The following CABIN1 variants were observed in gnomAD, a reference collection of about 807,000 sequenced individuals.
CABIN1 encodes calcineurin-binding protein cabin-1.
A neutral mutation model predicts 227.7 loss-of-function variants in CABIN1; 133 were observed. The ratio of observed to expected loss-of-function variants is 0.58; its 90% CI spans 0.51 to 0.67. The LOEUF (loss-of-function observed/expected upper bound fraction) is 0.67. CABIN1 is among the 30% of genes least tolerant of loss of function. The pLI is 0.00. For synonymous variants in CABIN1, 1,086 were observed against 1,155.1 expected (o/e 0.94, Z 1.21); for missense variants, 2,408 against 2,852.5 (o/e 0.84, Z 3.55).
At chr22:24,107,574 T>C (rs997969366) in intron 26 of CABIN1, among the ~76,000 whole-genome samples, 1 of 152,220 alleles carries the variant, frequency 6.6e-6, no homozygotes, top group Non-Finnish European at 1.5e-5. Context: ...CTGCACAGCA[T>C]GCCGTCCTTT....
chr22:24,039,419 T>G (rs975871317), intron 4 of CABIN1, among the ~76,000 whole-genome samples: 3 of 152,230 alleles, frequency 2.0e-5, no homozygotes, highest in African/African-American at 7.2e-5. Context: ...TTCCTAATTA[T>G]ATAGCTTGTC....
intron 24 of CABIN1, among the ~76,000 whole-genome samples, chr22:24,094,087 G>A (rs1267623877): frequency 1.3e-5 from 2 of 152,130 alleles, no homozygotes; most frequent in Admixed American, 1.3e-4. Flanking sequence ...CACTTTGGGG[G>A]TGAGAAGGGT....
chr22:24,094,357 A>T (rs2041745353), intron 24 of CABIN1, among the ~76,000 whole-genome samples: 1 of 152,178 alleles, frequency 6.6e-6, no homozygotes, highest in Admixed American at 6.5e-5. Context: ...CAGCTTCCAT[A>T]TGAGGAACCA....
intron 29 of CABIN1, among the ~76,000 whole-genome samples, chr22:24,154,328 C>T (rs2045658142): frequency 6.6e-6 from 1 of 152,172 alleles, no homozygotes; most frequent in Non-Finnish European, 1.5e-5. Context: ...CCAACTAGCT[C>T]TGGAGCTAGT....
chr22:24,154,278 C>T (rs1416110292), intron 29 of CABIN1, among the ~76,000 whole-genome samples: 3 of 152,280 alleles, frequency 2.0e-5, no homozygotes, highest in South Asian at 2.1e-4. Flanking sequence ...CTTTGGTCCT[C>T]GTGTCTGCTA....
In CABIN1 at chr22:24,172,020, T is replaced by TGGGCC. The variant is rs527680507; in HGVS notation, c.6040+26_6040+30dup. 1.0e-3 allele frequency: 1,665 copies of TGGGCC among 1,600,962 alleles called. 2 individuals carry two copies. Among genetic ancestry groups the TGGGCC allele is most frequent in the Non-Finnish European group, 1.3e-3 (1,549 of 1,177,630 alleles). ...GGTGAGTCCCATCCCAGTCCAGAGC[T>TGGGCC]GGGCCCAGGCCCCTGCCACCATCAA... On this transcript the variant is annotated intron_variant, in intron 34 of 36. Transcript: ENST00000263119.
intron 27 of CABIN1, among the ~76,000 whole-genome samples, chr22:24,117,115 A>G (rs1297109090): frequency 6.6e-6 from 1 of 152,184 alleles, no homozygotes; most frequent in African/African-American, 2.4e-5. Context: ...CCTGTTCAGC[A>G]GTGGGAGTGG....
chr22:24,127,007 A>AG (rs1437305180), intron 28 of CABIN1, among the ~76,000 whole-genome samples: 2 of 151,914 alleles, frequency 1.3e-5, no homozygotes, highest in Non-Finnish European at 2.9e-5. Flanking sequence ...TCAAAAAAAA[A>AG]AAAAAAAGCT....
At chr22:24,090,339 C>T (rs1305580148) in intron 23 of CABIN1, among the ~76,000 whole-genome samples, 1 of 152,176 alleles carries the variant, frequency 6.6e-6, no homozygotes, top group Non-Finnish European at 1.5e-5. Context: ...AGCTACAAAG[C>T]AATTCAAGTA....
chr22:24,103,664 G>A (rs1430899066), intron 26 of CABIN1, among the ~76,000 whole-genome samples: 5 of 152,196 alleles, frequency 3.3e-5, no homozygotes, highest in Non-Finnish European at 7.3e-5. Context: ...ACGGGCAGGG[G>A]ACAGGGGAGG....
chr22:24,019,747 TC>T (rs2035585555), intron 1 of CABIN1, among the ~76,000 whole-genome samples: 6 of 149,412 alleles, frequency 4.0e-5, no homozygotes, highest in Admixed American at 4.0e-4. Flanking sequence ...AACCTCTGCT[TC>T]CTGGGTTCAA....
intron 29 of CABIN1, among the ~76,000 whole-genome samples, chr22:24,149,207 C>T (rs574161089): frequency 2.2e-4 from 34 of 152,314 alleles, no homozygotes; most frequent in South Asian, 4.1e-4. Context: ...CCTGTGAGCC[C>T]GGTGAGGATC....
intron 28 of CABIN1, among the ~76,000 whole-genome samples, chr22:24,124,111 A>G (rs2043578156): frequency 6.6e-6 from 1 of 152,200 alleles, no homozygotes; most frequent in Admixed American, 6.5e-5. Flanking sequence ...AGCTGGCCTC[A>G]CCTGGGTTCA....
intron 29 of CABIN1, among the ~76,000 whole-genome samples, chr22:24,156,759 T>C (rs190561981): frequency 9.9e-5 from 15 of 152,176 alleles, no homozygotes; most frequent in Non-Finnish European, 1.5e-5. Context: ...GGGGTAACGG[T>C]TGCATGGGAT....
intron 19 of CABIN1, among the ~76,000 whole-genome samples, chr22:24,078,579 T>C (rs894690753): frequency 6.6e-6 from 1 of 152,206 alleles, no homozygotes; most frequent in Non-Finnish European, 1.5e-5. Flanking sequence ...CTTCTTTTCT[T>C]GAGTTATTTC....
chr22:24,101,232 T>C (rs937729986), intron 26 of CABIN1, among the ~76,000 whole-genome samples: 5 of 152,246 alleles, frequency 3.3e-5, no homozygotes, highest in Admixed American at 1.3e-4. Flanking sequence ...ATGCCTTTGC[T>C]TCAAAACCAG....
rs759214213 is a variant in CABIN1 at position 24,062,991 on chromosome 22, A to G, written c.1729A>G (p.Asn577Asp). The stretch of plus-strand genomic sequence containing the variant: ...TCGGAACTGCCCTGCTGGTATGGTG[A>G]ATGGCAGATTTGGACCTGACTTCCC... ...SPRNCPAGMV[N>D]GRFGPDFPGT... The change falls in exon 14 of 37, where the codon AAT becomes GAT. Residue 577 changes from asparagine to aspartate, a missense_variant. By Grantham distance (23) the Asn-to-Asp change is conservative (BLOSUM62 1). Around this residue, in one of 3 missense-constraint regions of CABIN1, gnomAD observed 1,045 missense variants for 1,168.4 expected, o/e 0.89. Coordinates refer to ENST00000263119, the MANE Select transcript of CABIN1 (RefSeq NM_012295.4). 2.4e-5 allele frequency: 39 copies of G among 1,614,154 alleles called. No homozygotes were observed. The highest frequency in any genetic ancestry group is 1.6e-4 in the Middle Eastern group (1 of 6,062).
At chr22:24,062,862 A>C in intron 13 of CABIN1, 97 bp from the exon 14 acceptor site, 1 of 1,149,940 alleles carries the variant, frequency 8.7e-7, no homozygotes, top group Non-Finnish European at 1.3e-6. Context: ...CCCTGGAGAT[A>C]GGGTGGGTGT....
At chr22:24,026,198 T>C (rs1024472690) in intron 1 of CABIN1, among the ~76,000 whole-genome samples, 1 of 152,174 alleles carries the variant, frequency 6.6e-6, no homozygotes, top group African/African-American at 2.4e-5. Flanking sequence ...GGCCTCAAAC[T>C]CCTGGGCTCA....
Sources: gnomAD v4.1 joint callset for allele counts (sites outside exome capture counted in the v4.1 genomes callset) on GRCh38, gnomAD v4.1.1 for gene constraint, gnomAD v4.1.1 regional missense constraint, MANE v1.5 for transcripts, NCBI Gene and HGNC (gene_info 2026-07-23, HGNC 2026-07-21) for gene names.